Variants in ZPBP observed in about 807,000 individuals in gnomAD.
ZPBP encodes zona pellucida binding protein.
ZPBP carries 26 observed loss-of-function variants against 44.8 expected under a neutral mutation model. The ratio of observed to expected loss-of-function variants is 0.58; its 90% CI spans 0.43 to 0.81. The LOEUF is 0.81. Ranked by LOEUF, ZPBP falls within the 30% of genes least tolerant of loss-of-function variation. The pLI, the probability that ZPBP is intolerant of heterozygous loss-of-function variation, is 0.00. For missense variants in ZPBP, 409 were observed against 434.0 expected (o/e 0.94, Z 0.51); for synonymous variants, 174 against 153.2 (o/e 1.14, Z -1.00).
intron 3 of ZPBP, among the ~76,000 whole-genome samples, chr7:50,073,356 G>A (rs929413332): frequency 6.6e-6 from 1 of 151,758 alleles, no homozygotes. Flanking sequence ...ATACATGAAG[G>A]AGACAAAAGA....
intron 7 of ZPBP, among the ~76,000 whole-genome samples, chr7:49,963,612 T>C (rs555072865): frequency 6.6e-6 from 1 of 151,970 alleles, no homozygotes; most frequent in Non-Finnish European, 1.5e-5. Flanking sequence ...TGTTAACTGA[T>C]GTTAGTTAAA....
intron 2 of ZPBP, 138 bp downstream of exon 2, chr7:50,089,491 T>C (rs1584208400): frequency 1.5e-6 from 1 of 666,634 alleles, no homozygotes; most frequent in South Asian, 1.9e-5. Flanking sequence ...TGCAAACAAC[T>C]TTAATCCACT....
chr7:49,892,468 G>T (rs11185592), intron 2 of ZPBP, among the ~76,000 whole-genome samples: 7 of 152,094 alleles, frequency 4.6e-5, no homozygotes, highest in African/African-American at 1.4e-4. Flanking sequence ...TGCTATACAG[G>T]GGTATATACA....
intron 4 of ZPBP, among the ~76,000 whole-genome samples, chr7:50,033,754 A>T (rs1799707602): frequency 6.6e-6 from 1 of 151,948 alleles, no homozygotes; most frequent in Non-Finnish European, 1.5e-5. Context: ...GTGCAGCAGC[A>T]CAATCTCTGC....
At chr7:49,895,190 G>A (rs969745263) in intron 2 of ZPBP, among the ~76,000 whole-genome samples, 4 of 152,142 alleles carry the variant, frequency 2.6e-5, no homozygotes, top group South Asian at 2.1e-4. Context: ...CCATGGTAGC[G>A]TCCTCACACA....
chr7:50,074,074 C>T (rs946974347), intron 3 of ZPBP, among the ~76,000 whole-genome samples: 2 of 151,882 alleles, frequency 1.3e-5, no homozygotes, highest in Non-Finnish European at 2.9e-5. Flanking sequence ...ACTACAGCAA[C>T]GTTTCAAGAC....
chr7:50,033,973 G>A (rs1314293043), intron 4 of ZPBP, among the ~76,000 whole-genome samples: 2 of 152,088 alleles, frequency 1.3e-5, no homozygotes. Context: ...GATTACAGGT[G>A]TAAGCCACTG....
At chr7:49,951,358 A>G (rs1412713807) in intron 7 of ZPBP, among the ~76,000 whole-genome samples, 2 of 151,636 alleles carry the variant, frequency 1.3e-5, no homozygotes, top group African/African-American at 4.8e-5. Flanking sequence ...CTTACTACTC[A>G]AAAACAAACA....
intron 1 of ZPBP, chr7:49,911,927 A>C (rs751770430): frequency 1.4e-6 from 1 of 717,750 alleles, no homozygotes. Context: ...ATACACGCAC[A>C]CACACACACA....
At chr7:49,892,248 G>T (rs1295449808) in intron 2 of ZPBP, among the ~76,000 whole-genome samples, 1 of 151,404 alleles carries the variant, frequency 6.6e-6, no homozygotes, top group African/African-American at 2.4e-5. Flanking sequence ...GGGTTTCACC[G>T]TGTTAGCCAG....
intron 3 of ZPBP, among the ~76,000 whole-genome samples, chr7:50,077,739 TAAC>T (rs1802167171): frequency 6.6e-6 from 1 of 151,632 alleles, no homozygotes; most frequent in African/African-American, 2.4e-5. Context: ...ACACAGGAAA[TAAC>T]AAGTGCTGGT....
chr7:50,090,343 TATA>T (rs1802888919), intron 1 of ZPBP, among the ~76,000 whole-genome samples: 1 of 151,828 alleles, frequency 6.6e-6, no homozygotes, highest in Non-Finnish European at 1.5e-5. Flanking sequence ...AATGAGAACA[TATA>T]ATGTTTGGTT....
chr7:50,088,445 A>G (rs1802783690), intron 2 of ZPBP, among the ~76,000 whole-genome samples: 1 of 152,108 alleles, frequency 6.6e-6, no homozygotes, highest in South Asian at 2.1e-4. Flanking sequence ...ATCAAAGTTT[A>G]AAACATATGC....
chr7:49,996,642 T>C (rs1797863912), intron 6 of ZPBP, among the ~76,000 whole-genome samples: 1 of 152,246 alleles, frequency 6.6e-6, no homozygotes, highest in African/African-American at 2.4e-5. Context: ...TCTGAGTCTG[T>C]AAACTGGTTC....
intron 2 of ZPBP, 35 bp downstream of exon 2, chr7:50,089,594 C>T (rs1272456686): frequency 6.8e-7 from 1 of 1,478,576 alleles, no homozygotes; most frequent in Admixed American, 1.7e-5. Flanking sequence ...ATGCTAATAA[C>T]TTTTAAAAAT....
intron 3 of ZPBP, among the ~76,000 whole-genome samples, chr7:50,077,479 T>A (rs190945209): frequency 1.6e-3 from 248 of 151,694 alleles, no homozygotes; most frequent in African/African-American, 5.8e-3. Context: ...TGGGAGAAAA[T>A]ATATGCAAAC....
At chr7:50,021,606 T>G (rs1799095270) in intron 5 of ZPBP, among the ~76,000 whole-genome samples, 1 of 152,024 alleles carries the variant, frequency 6.6e-6, no homozygotes, top group Admixed American at 6.6e-5. Flanking sequence ...AAAAAGAGTA[T>G]TTGAAGAAAT....
chr7:50,005,487 T>C (rs900635649), intron 6 of ZPBP, among the ~76,000 whole-genome samples: 7 of 152,024 alleles, frequency 4.6e-5, no homozygotes, highest in African/African-American at 1.4e-4. Context: ...CATCAAAATA[T>C]GGGAAGGTGC....
rs1301217715 is a variant in ZPBP at position 50,013,042 on chromosome 7, C to CA, written c.783+5197dup. Among the ~76,000 whole-genome samples the CA allele has an allele frequency of 8.6e-5, 13 of 151,874 alleles. No homozygotes were observed. In the East Asian group the frequency reaches 1.5e-3, roughly 18 times the overall value. On this transcript the variant is annotated intron_variant, in intron 6 of 7. Coordinates refer to ENST00000046087, the MANE Select transcript of ZPBP (RefSeq NM_007009.3). ...TTTAAAATAGCATCCAAATCCCCCA[C>CA]AAAAAACTTAGGAATAAATTTAACC...
Sources: allele counts gnomAD v4.1 joint callset (sites outside exome capture counted in the v4.1 genomes callset), GRCh38; gene constraint gnomAD v4.1.1; transcripts MANE v1.5; gene names NCBI Gene and HGNC (gene_info 2026-07-23, HGNC 2026-07-21).